Variants in WASF3 observed in about 807,000 individuals in gnomAD.
WASF3 encodes actin-binding protein WASF3.
In WASF3, 11 loss-of-function variants were observed where a neutral mutation model predicts 46.6. The ratio of observed to expected loss-of-function variants is 0.24; its 90% CI spans 0.15 to 0.39. The LOEUF (loss-of-function observed/expected upper bound fraction) is 0.39, where lower values mean the gene tolerates loss of function less well. Among genes scored for constraint, WASF3 ranks in the 10% least tolerant of loss-of-function variants. WASF3 has a pLI of 1.00. For missense variants in WASF3, 576 were observed against 669.8 expected (o/e 0.86, Z 1.55); for synonymous variants, 242 against 259.7 (o/e 0.93, Z 0.65).
intron 1 of WASF3, among the ~76,000 whole-genome samples, chr13:26,567,814 T>C (rs1288189265): frequency 6.6e-6 from 1 of 152,068 alleles, no homozygotes; most frequent in Non-Finnish European, 1.5e-5. Flanking sequence ...CGTGTATATA[T>C]ACGTGTGTGT....
At chr13:26,554,088 C>CTTTTCTTTCTTTCTTTCTTTCTTTCT, upstream of WASF3, among the ~76,000 whole-genome samples, 1 of 27,698 alleles carries the variant, frequency 3.6e-5, no homozygotes, top group South Asian at 1.7e-3. Context: ...TCCTTCCTTC[C>CTTTTCTTTCTTTCTTTCTTTCTTTCT]TTCCTTCCTT....
intron 1 of WASF3, among the ~76,000 whole-genome samples, chr13:26,573,950 G>C (rs1879713623): frequency 6.6e-6 from 1 of 152,118 alleles, no homozygotes; most frequent in Non-Finnish European, 1.5e-5. Flanking sequence ...CATTCAACAA[G>C]TTTTGTTAAA....
At chr13:26,654,008 C>A (rs1169450735) in intron 3 of WASF3, among the ~76,000 whole-genome samples, 1 of 152,148 alleles carries the variant, frequency 6.6e-6, no homozygotes, top group Non-Finnish European at 1.5e-5. Flanking sequence ...GACATCCAGT[C>A]CAATAGTGAA....
chr13:26,622,357 C>T (rs978827054), intron 2 of WASF3, among the ~76,000 whole-genome samples: 4 of 152,144 alleles, frequency 2.6e-5, no homozygotes, highest in African/African-American at 4.8e-5. Flanking sequence ...CCAGTAATAT[C>T]GTTTTAAAAT....
chr13:26,679,980 G>A lies in WASF3; in HGVS notation c.717-1074G>A, dbSNP rs773041931. The A allele has an allele frequency of 1.5e-5, 24 of 1,560,262 alleles. No individual in the cohort carries two copies. The highest frequency in any genetic ancestry group is 1.5e-5 in the Non-Finnish European group (17 of 1,159,978). Reference sequence around the variant, plus strand: ...GGAATCCCAAAGATGGAAATGCAGCGTGCATCTTCCCTGCTCCCTCAGCAC... The same window carrying A: ...GGAATCCCAAAGATGGAAATGCAGCATGCATCTTCCCTGCTCCCTCAGCAC... On this transcript the variant is annotated intron_variant, in intron 7 of 9. Coordinates refer to ENST00000335327, the MANE Select transcript of WASF3 (RefSeq NM_006646.6). This position sits in a 1 kb window ranked among gnomAD's most constrained non-coding sequence, Gnocchi z 4.8.
intron 1 of WASF3, among the ~76,000 whole-genome samples, chr13:26,595,662 C>T (rs906381688): frequency 6.6e-6 from 1 of 152,198 alleles, no homozygotes; most frequent in African/African-American, 2.4e-5. Flanking sequence ...GTACCCTCAG[C>T]CATCCTATTC....
intron 1 of WASF3, among the ~76,000 whole-genome samples, chr13:26,590,804 C>A (rs1184883144): frequency 1.3e-5 from 2 of 152,176 alleles, no homozygotes; most frequent in Non-Finnish European, 1.5e-5. Flanking sequence ...TCAAAAAAAT[C>A]CCTGCCCTCA....
intron 3 of WASF3, among the ~76,000 whole-genome samples, 161 bp downstream of exon 3, chr13:26,642,564 G>A (rs941260238): frequency 3.9e-5 from 6 of 152,146 alleles, no homozygotes; most frequent in Admixed American, 3.9e-4. Context: ...CACCTGTACT[G>A]GGCTTGTGAT....
chr13:26,599,034 C>G (rs1880563525), intron 1 of WASF3, among the ~76,000 whole-genome samples: 1 of 152,028 alleles, frequency 6.6e-6, no homozygotes, highest in African/African-American at 2.4e-5. Context: ...CCGCGCCTGG[C>G]TAATTTTTGT....
intron 3 of WASF3, 58 bp from the exon 4 acceptor site, chr13:26,664,970 G>A: frequency 6.3e-7 from 1 of 1,581,492 alleles, no homozygotes; most frequent in Non-Finnish European, 8.7e-7. Context: ...GAGGATGTGT[G>A]AGGGCCGCTT....
chr13:26,597,928 G>A (rs1345291150), intron 1 of WASF3, among the ~76,000 whole-genome samples: 8 of 152,228 alleles, frequency 5.3e-5, no homozygotes, highest in Admixed American at 2.0e-4. Context: ...ATAAACATAC[G>A]TGTGCATGTG....
intron 3 of WASF3, among the ~76,000 whole-genome samples, chr13:26,651,228 A>T (rs1593170668): frequency 6.6e-6 from 1 of 152,156 alleles, no homozygotes; most frequent in Admixed American, 6.5e-5. Context: ...AGGCTGAGGC[A>T]TGAGAATGGC....
intron 2 of WASF3, among the ~76,000 whole-genome samples, chr13:26,633,549 T>A (rs1315313248): frequency 4.6e-5 from 7 of 152,266 alleles, no homozygotes; most frequent in Admixed American, 2.0e-4. Flanking sequence ...AATTTGTTGC[T>A]TCTTGCTTCT....
At chr13:26,671,806 A>G in intron 5 of WASF3, 66 bp from the exon 6 acceptor site, 2 of 1,114,604 alleles carry the variant, frequency 1.8e-6, no homozygotes, top group Non-Finnish European at 2.6e-6. Flanking sequence ...TCAAGTTAAC[A>G]TTAACCTACA....
intron 1 of WASF3, among the ~76,000 whole-genome samples, chr13:26,604,529 C>G (rs904694366): frequency 6.6e-6 from 1 of 152,012 alleles, no homozygotes; most frequent in Non-Finnish European, 1.5e-5. Context: ...TAATGTGCAT[C>G]CGAAGTGCTT....
At chr13:26,635,976 C>G (rs1326533221) in intron 2 of WASF3, among the ~76,000 whole-genome samples, 1 of 152,246 alleles carries the variant, frequency 6.6e-6, no homozygotes, top group Admixed American at 6.5e-5. Flanking sequence ...CAGGGACCCA[C>G]TTGAGGAGGC....
At chr13:26,559,121 G>A (rs1251044694) in intron 1 of WASF3, among the ~76,000 whole-genome samples, 5 of 152,174 alleles carry the variant, frequency 3.3e-5, no homozygotes, top group African/African-American at 1.2e-4. Flanking sequence ...AGCTGGGTTT[G>A]ACCTTTCCCA....
Position 26,686,127 on chromosome 13 carries a change from T to G in WASF3, c.*282T>G. 5.4e-6 allele frequency: 2 copies of G among 370,524 alleles called. No homozygotes were observed. Among genetic ancestry groups the G allele is most frequent in the Non-Finnish European group, 9.9e-6 (2 of 201,480 alleles). The allele number at this position is 370,524 out of a possible 1,614,324, so 23.0% of individuals were successfully genotyped here. On this transcript the variant is annotated 3_prime_UTR_variant, in exon 10 of 10. Transcript: ENST00000335327. ...CTTTCCTCTTGGCCATGAGAGTATTTAGTGCAGTTTGGGTTTACTCTTACT... is the reference window on the plus strand; with the variant it reads ...CTTTCCTCTTGGCCATGAGAGTATTGAGTGCAGTTTGGGTTTACTCTTACT...
chr13:26,578,836 C>T (rs905782237), intron 1 of WASF3, among the ~76,000 whole-genome samples: 3 of 152,006 alleles, frequency 2.0e-5, no homozygotes, highest in African/African-American at 7.2e-5. Flanking sequence ...TATCATTTAA[C>T]ATCTTTTCTT....
Sources: gnomAD v4.1 joint callset for allele counts (sites outside exome capture counted in the v4.1 genomes callset) on GRCh38, gnomAD v4.1.1 for gene constraint, Gnocchi (gnomAD v3.1) non-coding constraint, MANE v1.5 for transcripts, NCBI Gene and HGNC (gene_info 2026-07-23, HGNC 2026-07-21) for gene names.